Variants in CLEC18A observed in about 807,000 individuals in gnomAD.
The protein encoded by CLEC18A is mannose receptor-like 1.
A neutral mutation model predicts 24.0 loss-of-function variants in CLEC18A; 5 were observed. The ratio of observed to expected loss-of-function variants is 0.21; its 90% CI spans 0.11 to 0.44. The LOEUF is 0.44. Among genes scored for constraint, CLEC18A ranks in the 20% least tolerant of loss-of-function variants. CLEC18A has a pLI of 0.99. For missense variants in CLEC18A, 83 were observed against 233.4 expected, an observed-to-expected ratio of 0.36 and a Z score of 4.20; for synonymous variants, 29 against 100.1, an observed-to-expected ratio of 0.29 and a Z score of 4.24.
At chr16:69,949,479 A>AT (rs2058924907), upstream of CLEC18A, among the ~76,000 whole-genome samples, 1 of 107,066 alleles carries the variant, frequency 9.3e-6, no homozygotes, top group African/African-American at 4.3e-5. Context: ...ATGTGAATTA[A>AT]AGCGTTGGGA....
chr16:69,964,866 A>T (rs1258020033), downstream of CLEC18A, among the ~76,000 whole-genome samples: 2 of 151,874 alleles, frequency 1.3e-5, no homozygotes, highest in Non-Finnish European at 2.9e-5. Flanking sequence ...CAGGGGTGCA[A>T]TCGGGCTTCA....
the CLEC18A span, among the ~76,000 whole-genome samples, chr16:69,944,298 G>A: frequency 6.7e-6 from 1 of 149,992 alleles, no homozygotes; most frequent in African/African-American, 2.5e-5. Context: ...GTATAGATAC[G>A]GGGAGCTTGG....
chr16:69,953,545 G>C (rs966699232), intron 2 of CLEC18A: 1 of 147,106 alleles, frequency 6.8e-6, no homozygotes, highest in Non-Finnish European at 1.5e-5. Context: ...GCTGGGCACG[G>C]TGGCTCACAC....
upstream of CLEC18A, among the ~76,000 whole-genome samples, chr16:69,948,645 C>T (rs1324496216): frequency 1.3e-5 from 2 of 150,156 alleles, no homozygotes; most frequent in Non-Finnish European, 3.0e-5. Context: ...GGAAAGCTGC[C>T]TTGCAACAAT....
chr16:69,945,563 C>T, the CLEC18A span, among the ~76,000 whole-genome samples: 2 of 152,260 alleles, frequency 1.3e-5, no homozygotes, highest in African/African-American at 4.8e-5. Flanking sequence ...TGGTCTCAAA[C>T]TCCAGGGCTC....
At chr16:69,962,895 G>A (rs1458324501) in intron 10 of CLEC18A, 81 bp from the exon 11 acceptor site, 1 of 1,390,504 alleles carries the variant, frequency 7.2e-7, no homozygotes, top group Non-Finnish European at 1.0e-6. Flanking sequence ...GAGATGCAGG[G>A]TCCTGATGGG....
intron 2 of CLEC18A, chr16:69,952,524 G>A (rs62053336): frequency 0.18 from 26,894 of 148,930 alleles, 73 homozygotes; most frequent in Non-Finnish European, 0.24. Context: ...GCTGGGGAGG[G>A]GCTTCTGTGC....
At chr16:69,946,145 G>A (rs568771746), upstream of CLEC18A, among the ~76,000 whole-genome samples, 2 of 83,744 alleles carry the variant, frequency 2.4e-5, no homozygotes, top group South Asian at 9.2e-4. Context: ...ATGGTGGCAG[G>A]TGCTTGTAAT....
the CLEC18A span, among the ~76,000 whole-genome samples, chr16:69,944,050 C>T: frequency 7.5e-6 from 1 of 134,188 alleles, no homozygotes; most frequent in African/African-American, 2.5e-5. Context: ...AATCCCAGCA[C>T]TTTGGAAGGC....
At chr16:69,945,708 A>G (rs981559595), upstream of CLEC18A, among the ~76,000 whole-genome samples, 10 of 152,278 alleles carry the variant, frequency 6.6e-5, no homozygotes, top group Admixed American at 6.5e-4. Flanking sequence ...CATTGCATTG[A>G]ATTAATAGAC....
At chr16:69,954,674 C>A in intron 3 of CLEC18A, 101 bp downstream of exon 3, 3 of 1,525,150 alleles carry the variant, frequency 2.0e-6, no homozygotes, top group Non-Finnish European at 2.6e-6. Flanking sequence ...TGTTGGGATT[C>A]CTTTTCCTCC....
chr16:69,946,101 A>G (rs1212538001), upstream of CLEC18A, among the ~76,000 whole-genome samples: 4 of 50,600 alleles, frequency 7.9e-5, 1 homozygote, highest in East Asian at 2.0e-3. Context: ...TCAAAAAAAA[A>G]AAAAGAAAAG....
the CLEC18A span, among the ~76,000 whole-genome samples, chr16:69,944,788 A>G: frequency 8.8e-6 from 1 of 114,030 alleles, no homozygotes; most frequent in Non-Finnish European, 1.7e-5. Context: ...GTGAGCTGAG[A>G]TGGCGCCACT....
intron 3 of CLEC18A, among the ~76,000 whole-genome samples, chr16:69,954,982 G>A (rs893874303): frequency 6.6e-5 from 10 of 151,760 alleles, no homozygotes; most frequent in Non-Finnish European, 1.2e-4. Flanking sequence ...TTACAGGCAT[G>A]AGCCACTGTG....
rs1959239466 is a variant in CLEC18A, at chr16:69,963,767, G to A, written c.*156G>A. ...AATGCCAGAAGTTGGGCAGAGAGAG[G>A]CAGGGAGGCCAGTGAGGGCCAGGGA... On this transcript the variant is annotated 3_prime_UTR_variant, in exon 12 of 12. Transcript: ENST00000288040. 8.5e-6 allele frequency: 6 copies of A among 703,604 alleles called. No homozygotes were observed. The highest frequency in any genetic ancestry group is 1.8e-5 in the African/African-American group (1 of 54,322). 43.6% of individuals were successfully genotyped at this position (703,604 alleles called of 1,614,324 possible).
chr16:69,955,425 A>C (rs971432051), intron 3 of CLEC18A, among the ~76,000 whole-genome samples: 2 of 151,138 alleles, frequency 1.3e-5, no homozygotes, highest in Non-Finnish European at 2.9e-5. Flanking sequence ...ATCTCGGTTC[A>C]CTAGAACCTC....
chr16:69,952,921 G>A (rs2058974443), intron 2 of CLEC18A: 1 of 144,442 alleles, frequency 6.9e-6, no homozygotes, highest in Non-Finnish European at 1.5e-5. Context: ...TAAATGCGGG[G>A]GGTCGCTTCT....
downstream of CLEC18A, among the ~76,000 whole-genome samples, chr16:69,965,200 A>G (rs646788): frequency 0.038 from 5,379 of 140,156 alleles, 20 homozygotes; most frequent in African/African-American, 0.16. Flanking sequence ...ACGCGGGGTG[A>G]TCACACAGAT....
At chr16:69,945,252 C>T in the CLEC18A span, among the ~76,000 whole-genome samples, 19 of 148,668 alleles carry the variant, frequency 1.3e-4, no homozygotes, top group East Asian at 3.7e-3. Flanking sequence ...GGTACCACTG[C>T]ACTCCAGCCT....
Sources: gnomAD v4.1 joint callset for allele counts (sites outside exome capture counted in the v4.1 genomes callset) on GRCh38, gnomAD v4.1.1 for gene constraint, MANE v1.5 for transcripts, NCBI Gene and HGNC (gene_info 2026-07-23, HGNC 2026-07-21) for gene names.